Variants in ZNF436 observed in about 807,000 individuals in gnomAD.
ZNF436 encodes the protein zinc finger protein 436, also known as DNA-binding protein.
ZNF436 carries 22 observed loss-of-function variants against 41.9 expected under a neutral mutation model. That is an observed-to-expected ratio of 0.53 (90% CI 0.38 to 0.75). The LOEUF is 0.75. ZNF436 is among the 30% of genes least tolerant of loss of function. The pLI is 0.00. For missense variants in ZNF436, 506 were observed against 587.3 expected, an observed-to-expected ratio of 0.86 and a Z score of 1.43; for synonymous variants, 217 against 197.8, an observed-to-expected ratio of 1.10 and a Z score of -0.82.
At chr1:23,367,530 A>C (rs1236678055) in intron 2 of ZNF436, among the ~76,000 whole-genome samples, 1 of 152,098 alleles carries the variant, frequency 6.6e-6, no homozygotes, top group Admixed American at 6.6e-5. Flanking sequence ...TGCAGTACTA[A>C]CTGTTCTTCA....
intron 3 of ZNF436, among the ~76,000 whole-genome samples, chr1:23,365,647 G>A (rs1442615535): frequency 6.6e-6 from 1 of 152,032 alleles, no homozygotes; most frequent in Non-Finnish European, 1.5e-5. Context: ...TCAGGAGGCA[G>A]AGGTTGCAGT....
chr1:23,368,291 C>G (rs1021080710), intron 1 of ZNF436: 1 of 437,876 alleles, frequency 2.3e-6, no homozygotes, highest in Non-Finnish European at 4.1e-6. Context: ...CCCTCCCGCG[C>G]CGGGGGTTAG....
In ZNF436 at chr1:23,361,242, A is replaced by G. The variant is rs758159030; in HGVS notation, c.*727T>C. 6.6e-6 allele frequency: 1 copy of G among 152,654 alleles called. No individual in the cohort carries two copies. The highest frequency in any genetic ancestry group is 1.5e-5 in the Non-Finnish European group (1 of 68,036). 9.5% of individuals were successfully genotyped at this position (152,654 alleles called of 1,614,324 possible). On this transcript the variant is annotated 3_prime_UTR_variant, in exon 4 of 4. Coordinates refer to ENST00000314011, the MANE Select transcript of ZNF436 (RefSeq NM_001077195.2). ...AAAATTCATAAATCTGATTAATGGC[A>G]GTAATAACTGTGGGCATCTTCTGCT...
Position 23,362,142 on chromosome 1 carries a change from C to T in ZNF436, c.1240G>A (p.Gly414Arg). Residue 414 changes from glycine to arginine, a missense_variant, in exon 4 of 4, where the codon GGG becomes AGG. This residue lies in a region of ZNF436 where 278 missense variants were observed against 372.1 expected (regional missense o/e 0.75). Coordinates refer to ENST00000314011, the MANE Select transcript of ZNF436 (RefSeq NM_001077195.2). Reference sequence around the variant, plus strand: ...TGCACACACTCGTAGGGCTTCTCCCCTGTGTGGGTTCTCTGATGTTTAATT... The same window carrying T: ...TGCACACACTCGTAGGGCTTCTCCCTTGTGTGGGTTCTCTGATGTTTAATT... ...DLIKHQRTHT[G>R]EKPYECVQCG... is the part of the protein sequence containing the mutation. 6.2e-7 allele frequency: 1 copy of T among 1,614,132 alleles called. No individual in the cohort carries two copies. The highest frequency in any genetic ancestry group is 1.1e-5 in the South Asian group (1 of 91,074).
In ZNF436 at chr1:23,368,059, G is replaced by A. The variant is rs555605250; in HGVS notation, c.-54C>T. The A allele has an allele frequency of 5.5e-4, 885 of 1,607,484 alleles. 1 individual carries two copies. The highest frequency in any genetic ancestry group is 7.1e-4 in the Non-Finnish European group (829 of 1,174,736). On this transcript the variant is annotated 5_prime_UTR_variant, in exon 2 of 4. Transcript: ENST00000314011. ...GAGAGAGCAGGAAAAGCAGCTAGCA[G>A]ACAGCGCTGAAGGAGGCGAAAAGCA...
At chr1:23,368,296 G>A (rs755592730) in intron 1 of ZNF436, 4 of 423,790 alleles carry the variant, frequency 9.4e-6, no homozygotes, top group African/African-American at 6.1e-5. Context: ...CCGCGCCGGG[G>A]GTTAGACCGC....
rs1344635445 is a variant in ZNF436, at chr1:23,369,697, TC to T, written c.-393del. The T allele has an allele frequency of 1.3e-5, 6 of 444,522 alleles. No homozygotes were observed. The highest frequency in any genetic ancestry group is 2.8e-5 in the Non-Finnish European group (6 of 210,906). 27.5% of individuals were successfully genotyped at this position (444,522 alleles called of 1,614,324 possible). ...CAACTAAGCTGCATTCAGCTGGAGT[TC>T]CTCGGAACGGGAGGACTCGCAGCTC... On this transcript the variant is annotated 5_prime_UTR_variant, in exon 1 of 4. An upstream open reading frame in the 5' UTR gains an earlier in-frame stop. Transcript: ENST00000314011.
chr1:23,368,500 G>GC (rs2148532315), intron 1 of ZNF436: 1 of 155,924 alleles, frequency 6.4e-6, no homozygotes, highest in South Asian at 1.7e-4. Flanking sequence ...GCCTGTGCCT[G>GC]CCCCCATGGC....
chr1:23,368,921 G>C (rs1638428610), intron 1 of ZNF436: 1 of 155,636 alleles, frequency 6.4e-6, no homozygotes, highest in Non-Finnish European at 1.4e-5. Context: ...GCGCGGCTCT[G>C]TACGCAATAC....
chr1:23,362,426 G>A lies in ZNF436; in HGVS notation c.956C>T (p.Ser319Phe), dbSNP rs866452626. The stretch of plus-strand genomic sequence containing the variant: ...GGCTCTGCGATGACGCACAAGGTCG[G>A]AGTTCTGACTGAAATTCTTCCCACA... ...DECGKNFSQN[S>F]DLVRHRRAHT... The change falls in exon 4 of 4, where the codon TCC becomes TTC. Residue 319 changes from serine (S) to phenylalanine (F), a missense_variant. This residue lies in a region of ZNF436 where 278 missense variants were observed against 372.1 expected (regional missense o/e 0.75). Coordinates refer to ENST00000314011, the MANE Select transcript of ZNF436 (RefSeq NM_001077195.2). 6.2e-7 allele frequency: 1 copy of A among 1,613,922 alleles called. No individual in the cohort carries two copies. The highest frequency in any genetic ancestry group is 8.5e-7 in the Non-Finnish European group (1 of 1,179,858).
chr1:23,368,053 C>T lies in ZNF436; in HGVS notation c.-48G>A. 1 of 1,611,156 alleles carries T rather than the reference C, an allele frequency of 6.2e-7. No homozygotes were observed. Among genetic ancestry groups the T allele is most frequent in the Non-Finnish European group, 8.5e-7 (1 of 1,177,706 alleles). On this transcript the variant is annotated 5_prime_UTR_variant, in exon 2 of 4. Transcript: ENST00000314011. ...CAGGGAGAGAGAGCAGGAAAAGCAG[C>T]TAGCAGACAGCGCTGAAGGAGGCGA...
rs665977 is a variant in ZNF436 at position 23,369,659 on chromosome 1, G to A, written c.-354C>T. 419,878 of 480,502 alleles carry A rather than the reference G, an allele frequency of 0.87. 186,276 individuals are homozygous for A. Among genetic ancestry groups the A allele is most frequent in the East Asian group, 0.92 (15,832 of 17,228 alleles). The allele number at this position is 480,502 out of a possible 1,614,324, so 29.8% of individuals were successfully genotyped here. Reference sequence around the variant, plus strand: ...ATCCCTGAGACCACAGAGGCTGGCCGAGAAACCACCAGCAACTAAGCTGCA... The same window carrying A: ...ATCCCTGAGACCACAGAGGCTGGCCAAGAAACCACCAGCAACTAAGCTGCA... On this transcript the variant is annotated 5_prime_UTR_variant, in exon 1 of 4. Transcript: ENST00000314011.
At chr1:23,368,124 G>T (rs1394454357) in intron 1 of ZNF436, 59 bp from the exon 2 acceptor site, 1 of 1,187,286 alleles carries the variant, frequency 8.4e-7, no homozygotes, top group Non-Finnish European at 1.2e-6. Context: ...CCACTCCCCA[G>T]GGCTGGAGTT....
intron 3 of ZNF436, among the ~76,000 whole-genome samples, chr1:23,363,897 G>T (rs1638301198): frequency 6.6e-6 from 1 of 152,058 alleles, no homozygotes; most frequent in Admixed American, 6.5e-5. Context: ...AAAAAATTAG[G>T]TGGATGTGGT....
At chr1:23,368,273 G>T (rs1218463433) in intron 1 of ZNF436, 11 of 474,434 alleles carry the variant, frequency 2.3e-5, no homozygotes, top group Non-Finnish European at 4.2e-5. Context: ...ACAGCCCCCT[G>T]GCTGGGTCCC....
chr1:23,359,484 G>A lies in ZNF436; in HGVS notation c.*2485C>T, dbSNP rs1168090628. On this transcript the variant is annotated 3_prime_UTR_variant, in exon 4 of 4. Coordinates refer to ENST00000314011, the MANE Select transcript of ZNF436 (RefSeq NM_001077195.2). ...ATTATATTTTTAATTATAGAATATT[G>A]TTAGAATAATACAAACACTAGGATA... 1 of 152,146 alleles carries A rather than the reference G, an allele frequency of 6.6e-6. No homozygotes were observed. Among genetic ancestry groups the A allele is most frequent in the Non-Finnish European group, 1.5e-5 (1 of 68,010 alleles). 9.4% of individuals were successfully genotyped at this position (152,146 alleles called of 1,614,324 possible).
In ZNF436 at chr1:23,363,083, T is replaced by C. The variant is rs369920504; in HGVS notation, c.299A>G (p.Asp100Gly). The C allele has an allele frequency of 5.0e-6, 8 of 1,614,234 alleles. No individual in the cohort carries two copies. The highest frequency in any genetic ancestry group is 1.3e-5 in the African/African-American group (1 of 75,058). Residue 100 changes from aspartate to glycine, a missense_variant, in exon 4 of 4, where the codon GAT becomes GGT. Around this residue, in one of 2 missense-constraint regions of ZNF436, gnomAD observed 228 missense variants for 215.1 expected, o/e 1.06. Transcript: ENST00000314011. ...PESEEGFESG[D>G]RSERQWGDLT... ...ATCTCCCCATTGTCTTTCTGACCTA[T>C]CTCCGCTTTCAAAGCCCTCTTCACT... is the stretch of plus-strand genomic sequence containing the variant.
Position 23,360,187 on chromosome 1 carries a change from G to T in ZNF436, c.*1782C>A, listed in dbSNP as rs1646984631. The T allele has an allele frequency of 1.3e-5, 2 of 152,134 alleles. No individual in the cohort carries two copies. Among genetic ancestry groups the T allele is most frequent in the Admixed American group, 1.3e-4 (2 of 15,258 alleles). The allele number at this position is 152,134 out of a possible 1,614,324, so 9.4% of individuals were successfully genotyped here. A position where few individuals can be genotyped will look rare whatever the true frequency, so the allele number is the denominator to read the frequency against. On this transcript the variant is annotated 3_prime_UTR_variant, in exon 4 of 4. Coordinates refer to ENST00000314011, the MANE Select transcript of ZNF436 (RefSeq NM_001077195.2). ...CATGAAGGAACCCCCCTGGAAGATG[G>T]GTTACTTTAAAGGTTGTGTTATTAA...
In ZNF436 at chr1:23,362,476, C is replaced by T. The variant is rs1258271295; in HGVS notation, c.906G>A (p.Gly302=). The part of the protein sequence containing the change: ...DLIKHYRVHT[G]ERPYKCDECG... Reference sequence around the variant, plus strand: ...ACTCATCACACTTGTAGGGCCTCTCCCCTGTGTGGACTCGATAGTGTTTGA... The same window carrying T: ...ACTCATCACACTTGTAGGGCCTCTCTCCTGTGTGGACTCGATAGTGTTTGA... The change falls in exon 4 of 4, where the codon GGG becomes GGA. Residue 302 remains glycine (G), a synonymous_variant. Coordinates refer to ENST00000314011, the MANE Select transcript of ZNF436 (RefSeq NM_001077195.2). The T allele has an allele frequency of 1.2e-6, 2 of 1,613,960 alleles. No individual in the cohort carries two copies. The highest frequency in any genetic ancestry group is 1.3e-5 in the African/African-American group (1 of 74,912).
Sources: allele counts gnomAD v4.1 joint callset (sites outside exome capture counted in the v4.1 genomes callset), GRCh38; gene constraint gnomAD v4.1.1; regional missense constraint gnomAD v4.1.1; transcripts MANE v1.5; gene names NCBI Gene and HGNC (gene_info 2026-07-23, HGNC 2026-07-21).